The following LMO7 variants were observed in gnomAD, a reference collection of about 807,000 sequenced individuals.
LMO7 encodes LIM domain only protein 7.
Under a neutral mutation model 206.5 loss-of-function variants are expected in LMO7, and 120 were observed. That is an observed-to-expected ratio of 0.58 (90% CI 0.50 to 0.68). The LOEUF (loss-of-function observed/expected upper bound fraction) is 0.68. Ranked by LOEUF, LMO7 falls within the 30% of genes least tolerant of loss-of-function variation. LMO7 has a pLI of 0.00. For synonymous variants in LMO7, 706 were observed against 681.5 expected (o/e 1.04, Z -0.56); for missense variants, 1,959 against 1,957.9 (o/e 1.00, Z -0.01).
upstream of LMO7, chr13:75,636,067 C>T: frequency 6.4e-6 from 1 of 155,358 alleles, no homozygotes; most frequent in Non-Finnish European, 1.4e-5. Context: ...GGGAAGGATG[C>T]GGGCGCGGGG....
chr13:75,749,741 C>T (rs1192483535), intron 3 of LMO7, among the ~76,000 whole-genome samples: 1 of 152,124 alleles, frequency 6.6e-6, no homozygotes, highest in Non-Finnish European at 1.5e-5. Flanking sequence ...TAGTTGGTTC[C>T]TATTTTTACT....
chr13:75,847,453 T>C (rs2060094765), intron 26 of LMO7, among the ~76,000 whole-genome samples: 1 of 152,244 alleles, frequency 6.6e-6, no homozygotes, highest in Non-Finnish European at 1.5e-5. Context: ...TTTGGATTGC[T>C]TGAATATTTT....
intron 4 of LMO7, among the ~76,000 whole-genome samples, chr13:75,763,579 A>G (rs1006147726): frequency 1.3e-5 from 2 of 152,220 alleles, no homozygotes; most frequent in Non-Finnish European, 2.9e-5. Flanking sequence ...TGTATGCATT[A>G]AATTTAACAA....
At position 75,834,309 on chromosome 13, in the gene LMO7, A is replaced by C. The variant is rs201883792; in HGVS notation, c.3148A>C (p.Lys1050Gln). ...CACCAAGTTTTCATATAACGATTCA[A>C]AAGAGTGGGAGGAAGCCATGGCTAA... ...NNTKFSYNDSKEWEEAMAKAQ... is the reference protein window; with the variant it reads ...NNTKFSYNDSQEWEEAMAKAQ... Residue 1050 changes from lysine (K) to glutamine (Q), a missense_variant, in exon 17 of 31, where the codon AAA becomes CAA. By Grantham distance (53) the Lys-to-Gln change is moderately conservative. Transcript: ENST00000377534. 1 of 1,611,938 alleles carries C rather than the reference A, an allele frequency of 6.2e-7. No homozygotes were observed. The highest frequency in any genetic ancestry group is 1.7e-5 in the Admixed American group (1 of 59,754).
chr13:75,705,249 C>T (rs1252142526), intron 1 of LMO7, among the ~76,000 whole-genome samples: 1 of 152,118 alleles, frequency 6.6e-6, no homozygotes, highest in African/African-American at 2.4e-5. Flanking sequence ...CCAGAGGAGT[C>T]GAAATGCCTT....
Position 75,804,336 on chromosome 13 carries a change from T to A in LMO7, c.709T>A (p.Tyr237Asn). Residue 237 changes from tyrosine to asparagine, a missense_variant, in exon 8 of 31, where the codon TAT (tyrosine) becomes AAT (asparagine). Physicochemically the swap from Tyr to Asn is moderately radical, Grantham distance 143. Coordinates refer to ENST00000377534, the MANE Select transcript of LMO7 (RefSeq NM_001306080.2). ...GGAATTTACATTTAAGATGCAGGAT[T>A]ATAATAAAGATGATATGTCGTATCG... ...DSEFTFKMQD[Y>N]NKDDMSYRRI... 1 of 1,613,894 alleles carries A rather than the reference T, an allele frequency of 6.2e-7. No homozygotes were observed. Among genetic ancestry groups the A allele is most frequent in the Non-Finnish European group, 8.5e-7 (1 of 1,179,786 alleles).
Position 75,809,196 on chromosome 13 carries a change from G to C in LMO7, c.1946+13G>C, listed in dbSNP as rs1326923957. ...ATGGTGAGAATGGGTAAGTTGTGTGGTTCACAGTAAAAAATCTGTGCGTGT... is the reference window on the plus strand; with the variant it reads ...ATGGTGAGAATGGGTAAGTTGTGTGCTTCACAGTAAAAAATCTGTGCGTGT... On this transcript the variant is annotated intron_variant, in intron 11 of 30. Transcript: ENST00000377534. The C allele has an allele frequency of 6.2e-7, 1 of 1,609,158 alleles. No homozygotes were observed. The highest frequency in any genetic ancestry group is 8.5e-7 in the Non-Finnish European group (1 of 1,176,258).
intron 1 of LMO7, among the ~76,000 whole-genome samples, chr13:75,702,237 G>A (rs558898602): frequency 2.0e-4 from 30 of 152,228 alleles, no homozygotes; most frequent in Non-Finnish European, 2.1e-4. Context: ...GCATTTTGCT[G>A]GCTGTTTCCC....
intron 1 of LMO7, among the ~76,000 whole-genome samples, chr13:75,637,949 GAGA>G (rs1235871927): frequency 1.3e-5 from 2 of 152,164 alleles, no homozygotes; most frequent in Non-Finnish European, 2.9e-5. Context: ...GGGAAGTTGA[GAGA>G]AGAATAAACG....
Position 75,750,270 on chromosome 13 carries a change from C to CACCCAG in LMO7, c.211-10661_211-10660insCCCAGA, listed in dbSNP as rs555634455. 3.3e-4 allele frequency among the ~76,000 whole-genome samples: 50 copies of CACCCAG among 152,054 alleles called. No individual in the cohort carries two copies. The East Asian group carries it at 8.7e-3, about 26-fold the overall frequency. On this transcript the variant is annotated intron_variant, in intron 3 of 30. Transcript: ENST00000377534. Reference sequence around the variant, plus strand: ...CCATAATCTCTGGGTGACTTATGTGCATACTAAAGAGAAACACTGTCTTAA... The same window carrying CACCCAG: ...CCATAATCTCTGGGTGACTTATGTGCACCCAGATACTAAAGAGAAACACTGTCTTAA...
intron 1 of LMO7, among the ~76,000 whole-genome samples, chr13:75,672,096 T>C (rs1394347547): frequency 3.9e-5 from 6 of 152,064 alleles, no homozygotes; most frequent in Non-Finnish European, 7.3e-5. Flanking sequence ...CCCTGGATGT[T>C]CAAGTTCCTT....
chr13:75,806,294 G>T, intron 9 of LMO7: 1 of 975,470 alleles, frequency 1.0e-6, no homozygotes, highest in Non-Finnish European at 1.2e-6. Flanking sequence ...GCCTGCTGCG[G>T]GTCTGGCCTC....
At chr13:75,730,161 T>C (rs1363396486) in intron 3 of LMO7, among the ~76,000 whole-genome samples, 2 of 152,134 alleles carry the variant, frequency 1.3e-5, no homozygotes, top group Non-Finnish European at 2.9e-5. Flanking sequence ...TTAGGGAGGA[T>C]TCCCTCTTTT....
intron 1 of LMO7, among the ~76,000 whole-genome samples, chr13:75,658,411 A>G (rs1033907225): frequency 8.6e-5 from 13 of 151,938 alleles, no homozygotes; most frequent in Admixed American, 6.6e-5. Flanking sequence ...CATCTTTACA[A>G]TGTTTTAGCC....
chr13:75,848,213 C>T (rs1167367195), intron 26 of LMO7, among the ~76,000 whole-genome samples: 1 of 152,132 alleles, frequency 6.6e-6, no homozygotes, highest in Non-Finnish European at 1.5e-5. Context: ...TCCCTCACCC[C>T]CTTCCCACCC....
At chr13:75,738,543 A>G (rs1000659515) in intron 3 of LMO7, among the ~76,000 whole-genome samples, 4 of 151,992 alleles carry the variant, frequency 2.6e-5, no homozygotes, top group Non-Finnish European at 5.9e-5. Flanking sequence ...GTTTAATTTT[A>G]TAAAGAAATA....
chr13:75,665,068 A>G (rs1345690197), intron 1 of LMO7, among the ~76,000 whole-genome samples: 5 of 152,180 alleles, frequency 3.3e-5, no homozygotes, highest in African/African-American at 9.6e-5. Context: ...GTGTATATGT[A>G]TATAGAATAA....
chr13:75,772,544 A>C (rs1436711607), intron 4 of LMO7, among the ~76,000 whole-genome samples: 2 of 152,132 alleles, frequency 1.3e-5, no homozygotes, highest in Non-Finnish European at 2.9e-5. Flanking sequence ...ATGCAGGCTT[A>C]GTGACCTGCT....
intron 20 of LMO7, chr13:75,838,453 TAAA>T (rs35202291): frequency 0.063 from 12,996 of 204,934 alleles, 94 homozygotes; most frequent in South Asian, 0.084. Context: ...TTTAACTTTG[TAAA>T]AAAAAAAAAA....
Sources: allele counts gnomAD v4.1 joint callset (sites outside exome capture counted in the v4.1 genomes callset), GRCh38; gene constraint gnomAD v4.1.1; transcripts MANE v1.5; gene names NCBI Gene and HGNC (gene_info 2026-07-23, HGNC 2026-07-21).